The following ALK variants were observed in gnomAD, a reference collection of about 807,000 sequenced individuals.
The protein encoded by ALK is ALK tyrosine kinase receptor.
A neutral mutation model predicts 163.1 loss-of-function variants in ALK; 74 were observed. The observed-to-expected ratio is 0.45, with a 90% CI of 0.38 to 0.55. The LOEUF (loss-of-function observed/expected upper bound fraction) is 0.55, where lower values mean the gene tolerates loss of function less well. ALK is among the 20% of genes least tolerant of loss of function. ALK has a pLI of 0.00. For missense variants in ALK, 2,063 were observed against 2,105.3 expected, an observed-to-expected ratio of 0.98 and a Z score of 0.39; for synonymous variants, 960 against 843.2, an observed-to-expected ratio of 1.14 and a Z score of -2.40.
At chr2:29,706,507 T>C (rs1206340875) in intron 2 of ALK, among the ~76,000 whole-genome samples, 1 of 152,204 alleles carries the variant, frequency 6.6e-6, no homozygotes, top group Non-Finnish European at 1.5e-5. Context: ...GCCTGCTCCC[T>C]GGAATGCATC....
chr2:29,734,159 T>G (rs2148319715), intron 1 of ALK, among the ~76,000 whole-genome samples: 1 of 152,288 alleles, frequency 6.6e-6, no homozygotes, highest in East Asian at 1.9e-4. Context: ...TCAGCCTCCT[T>G]CTAGCCATGT....
At chr2:29,814,837 GTAAGTA>G (rs879696979) in intron 1 of ALK, among the ~76,000 whole-genome samples, 22,054 of 151,548 alleles carry the variant, frequency 0.15, 1,725 homozygotes, top group South Asian at 0.2. Context: ...ATGAGAAATT[GTAAGTA>G]CAATTTAAAT....
Position 29,337,193 on chromosome 2 carries a change from C to G in ALK, c.1283-8712G>C, listed in dbSNP as rs78581946. 7.3e-3 allele frequency among the ~76,000 whole-genome samples: 1,108 copies of G among 152,328 alleles called. 10 individuals are homozygous for G. The highest frequency in any genetic ancestry group is 0.024 in the African/African-American group (995 of 41,564). Reference sequence around the variant, plus strand: ...TTAAGCCTGGCAGAGACCAGTCCTGCTGAGGGCTTTGGGCCTCCTCAGTTG... The same window carrying G: ...TTAAGCCTGGCAGAGACCAGTCCTGGTGAGGGCTTTGGGCCTCCTCAGTTG... On this transcript the variant is annotated intron_variant, in intron 5 of 28. Coordinates refer to ENST00000389048, the MANE Select transcript of ALK (RefSeq NM_004304.5).
intron 5 of ALK, among the ~76,000 whole-genome samples, chr2:29,360,715 T>C (rs1192362629): frequency 1.3e-5 from 2 of 152,172 alleles, no homozygotes; most frequent in Non-Finnish European, 2.9e-5. Flanking sequence ...AGGGCCATAA[T>C]GGTGGTAAAA....
chr2:29,849,789 A>G (rs535151037), intron 1 of ALK, among the ~76,000 whole-genome samples: 1 of 151,962 alleles, frequency 6.6e-6, no homozygotes, highest in Non-Finnish European at 1.5e-5. Flanking sequence ...AGGAGTGGGG[A>G]GGAAGCAGGG....
chr2:29,532,174 C>G, intron 3 of ALK, 58 bp from the exon 4 acceptor site: 1 of 1,527,948 alleles, frequency 6.5e-7, no homozygotes, highest in South Asian at 1.1e-5. Flanking sequence ...CCAGCAGTAG[C>G]TCTGTGGCAA....
chr2:29,706,630 G>A (rs903505311), intron 2 of ALK, among the ~76,000 whole-genome samples: 14 of 152,212 alleles, frequency 9.2e-5, no homozygotes, highest in Non-Finnish European at 1.3e-4. Flanking sequence ...CAGCCTCAGA[G>A]GGCAGTGTGT....
chr2:29,830,808 G>A (rs1252459052), intron 1 of ALK, among the ~76,000 whole-genome samples: 12 of 147,532 alleles, frequency 8.1e-5, no homozygotes, highest in African/African-American at 2.0e-4. Context: ...GGAGGCTGAG[G>A]TGGGAGGATC....
intron 1 of ALK, among the ~76,000 whole-genome samples, chr2:29,751,977 G>T (rs1305064464): frequency 6.6e-6 from 1 of 152,092 alleles, no homozygotes; most frequent in Non-Finnish European, 1.5e-5. Flanking sequence ...CCATTTTAGA[G>T]GTAAGGAAAT....
intron 3 of ALK, among the ~76,000 whole-genome samples, chr2:29,605,948 G>A (rs1675531218): frequency 1.5e-5 from 2 of 131,910 alleles, no homozygotes; most frequent in South Asian, 2.7e-4. Context: ...TGATGGTCTT[G>A]GTTCCATCCC....
intron 4 of ALK, among the ~76,000 whole-genome samples, chr2:29,481,998 G>A (rs962427910): frequency 6.6e-6 from 1 of 152,188 alleles, no homozygotes; most frequent in African/African-American, 2.4e-5. Context: ...GTGGACCTAC[G>A]AGGAAACCTA....
At chr2:29,728,785 T>C (rs1679648770) in intron 1 of ALK, among the ~76,000 whole-genome samples, 1 of 152,114 alleles carries the variant, frequency 6.6e-6, no homozygotes, top group Admixed American at 6.5e-5. Context: ...TGAGGCATTA[T>C]AGAGGAACCT....
chr2:29,756,249 G>A (rs1285868507), intron 1 of ALK, among the ~76,000 whole-genome samples: 1 of 152,182 alleles, frequency 6.6e-6, no homozygotes, highest in African/African-American at 2.4e-5. Context: ...CCATTTCCCG[G>A]GAGGACCTTC....
intron 3 of ALK, among the ~76,000 whole-genome samples, chr2:29,577,767 C>G (rs1674565286): frequency 6.6e-6 from 1 of 152,244 alleles, no homozygotes; most frequent in African/African-American, 2.4e-5. Flanking sequence ...TGGTGAATCT[C>G]TGCTCTCGTT....
intron 13 of ALK, among the ~76,000 whole-genome samples, chr2:29,237,572 G>A (rs1664417511): frequency 6.6e-6 from 1 of 152,082 alleles, no homozygotes; most frequent in African/African-American, 2.4e-5. Context: ...AGTTCCTTGA[G>A]AGCAAAGATC....
At chr2:29,492,888 T>C (rs567160123) in intron 4 of ALK, among the ~76,000 whole-genome samples, 23 of 152,212 alleles carry the variant, frequency 1.5e-4, no homozygotes, top group African/African-American at 5.1e-4. Context: ...TCTAACCAGA[T>C]GGTATGGGAG....
At chr2:29,751,018 C>T (rs779363496) in intron 1 of ALK, among the ~76,000 whole-genome samples, 6 of 151,896 alleles carry the variant, frequency 4.0e-5, no homozygotes, top group African/African-American at 9.7e-5. Flanking sequence ...TGCAGTAAGC[C>T]GACACTGAGC....
At chr2:29,476,356 C>T (rs1310806845) in intron 4 of ALK, among the ~76,000 whole-genome samples, 1 of 152,146 alleles carries the variant, frequency 6.6e-6, no homozygotes, top group African/African-American at 2.4e-5. Context: ...ATAAAATTAC[C>T]ACAATCATTT....
At chr2:29,689,343 G>A (rs1402531752) in intron 3 of ALK, among the ~76,000 whole-genome samples, 1 of 152,210 alleles carries the variant, frequency 6.6e-6, no homozygotes, top group Non-Finnish European at 1.5e-5. Context: ...GTGCAAAGGA[G>A]GCTATATCCT....
Sources: allele counts gnomAD v4.1 joint callset (sites outside exome capture counted in the v4.1 genomes callset), GRCh38; gene constraint gnomAD v4.1.1; transcripts MANE v1.5; gene names NCBI Gene and HGNC (gene_info 2026-07-23, HGNC 2026-07-21).